Variants in ATP10A observed in about 807,000 individuals in gnomAD.
ATP10A encodes phospholipid-transporting ATPase VA.
In ATP10A, 111 loss-of-function variants were observed where a neutral mutation model predicts 147.8. That is an observed-to-expected ratio of 0.75 (90% confidence interval 0.64 to 0.88). The LOEUF (loss-of-function observed/expected upper bound fraction) is 0.88, where lower values mean the gene tolerates loss of function less well. Among genes scored for constraint, ATP10A ranks in the 40% least tolerant of loss-of-function variants. The pLI is 0.00. For synonymous variants in ATP10A, 875 were observed against 841.6 expected (o/e 1.04, Z -0.69); for missense variants, 1,927 against 1,959.0 (o/e 0.98, Z 0.31).
chr15:25,831,699 A>T (rs1413974707), intron 1 of ATP10A, among the ~76,000 whole-genome samples: 1 of 152,168 alleles, frequency 6.6e-6, no homozygotes, highest in East Asian at 1.9e-4. Context: ...GCAACACCTC[A>T]CTGCCTGACC....
chr15:25,830,231 G>A (rs1258385592), intron 1 of ATP10A, among the ~76,000 whole-genome samples: 1 of 152,078 alleles, frequency 6.6e-6, no homozygotes, highest in Admixed American at 6.5e-5. Flanking sequence ...GGCCTTCCTG[G>A]GTCATCCCCA....
intron 16 of ATP10A, among the ~76,000 whole-genome samples, chr15:25,684,321 C>T (rs1284957785): frequency 6.6e-6 from 1 of 152,212 alleles, no homozygotes; most frequent in Admixed American, 6.5e-5. Flanking sequence ...CATTCTAACA[C>T]TCATGAGCTA....
intron 4 of ATP10A, 47 bp downstream of exon 4, chr15:25,727,113 A>AACAC (rs757663011): frequency 7.3e-7 from 1 of 1,377,690 alleles, no homozygotes; most frequent in Non-Finnish European, 1.0e-6. Flanking sequence ...AGTGCTGGAG[A>AACAC]ACACAGCGCT....
chr15:25,781,178 C>T lies in ATP10A; in HGVS notation c.495G>A (p.Val165=). 3 of 1,614,136 alleles carry T rather than the reference C, an allele frequency of 1.9e-6. No homozygotes were observed. Among genetic ancestry groups the T allele is most frequent in the Non-Finnish European group, 2.5e-6 (3 of 1,180,020 alleles). The change falls in exon 2 of 21, where the codon GTG becomes GTA. Residue 165 remains valine, a synonymous_variant. Coordinates refer to ENST00000555815, the MANE Select transcript of ATP10A (RefSeq NM_024490.4). The part of the protein sequence containing the change: ...YVNRFWKEIH[V]GDFVRLRCNE... Reference sequence around the variant, plus strand: ...TGCAGCGAAGACGCACAAAGTCTCCCACGTGGATTTCTTTCCAGAATCGGT... The same window carrying T: ...TGCAGCGAAGACGCACAAAGTCTCCTACGTGGATTTCTTTCCAGAATCGGT...
chr15:25,778,816 A>G (rs901992316), intron 2 of ATP10A, among the ~76,000 whole-genome samples: 4 of 152,064 alleles, frequency 2.6e-5, no homozygotes, highest in African/African-American at 9.7e-5. Flanking sequence ...AGTGGGCGGG[A>G]GAGGACTGTA....
chr15:25,688,924 A>G (rs1205817310), intron 15 of ATP10A, among the ~76,000 whole-genome samples: 1 of 152,216 alleles, frequency 6.6e-6, no homozygotes, highest in Non-Finnish European at 1.5e-5. Context: ...CTCAAAAATC[A>G]TTTATTAAGA....
rs112896378 is a variant in ATP10A at position 25,770,742 on chromosome 15, A to G, written c.654+10277T>C. ...CCCCAGGGACAGGCAAGAGGCCTAC[A>G]GCATCTCTGCAGGGCTGCCCTGCAG... On this transcript the variant is annotated intron_variant, in intron 2 of 20. Transcript: ENST00000555815. Among the ~76,000 whole-genome samples the G allele has an allele frequency of 2.7e-3, 417 of 152,324 alleles. 3 individuals carry two copies. The highest frequency in any genetic ancestry group is 9.3e-3 in the African/African-American group (388 of 41,588).
intron 1 of ATP10A, 104 bp from the exon 2 acceptor site, chr15:25,781,327 A>G (rs2140708356): frequency 1.0e-6 from 1 of 981,658 alleles, no homozygotes; most frequent in Non-Finnish European, 1.5e-6. Context: ...CTACATTTGC[A>G]TAGGCTGAAA....
At chr15:25,850,834 T>C (rs1893261914) in intron 1 of ATP10A, among the ~76,000 whole-genome samples, 1 of 152,152 alleles carries the variant, frequency 6.6e-6, no homozygotes, top group East Asian at 1.9e-4. Context: ...TAAACTGTTA[T>C]TAGAAGTATA....
intron 1 of ATP10A, among the ~76,000 whole-genome samples, chr15:25,857,862 G>A (rs1212057131): frequency 1.3e-5 from 2 of 152,184 alleles, no homozygotes; most frequent in Non-Finnish European, 2.9e-5. Flanking sequence ...AAGCTATTGA[G>A]TCTTGAAGCC....
chr15:25,858,548 C>T (rs1178914773), intron 1 of ATP10A, among the ~76,000 whole-genome samples: 1 of 152,114 alleles, frequency 6.6e-6, no homozygotes, highest in Non-Finnish European at 1.5e-5. Context: ...CTCAGCTCTT[C>T]CAAAACAACA....
At chr15:25,703,168 G>A (rs1160387329) in intron 12 of ATP10A, among the ~76,000 whole-genome samples, 1 of 152,158 alleles carries the variant, frequency 6.6e-6, no homozygotes, top group Non-Finnish European at 1.5e-5. Context: ...GACCAACCTG[G>A]TCAATGTGGT....
At chr15:25,768,010 C>T (rs1318346463) in intron 2 of ATP10A, among the ~76,000 whole-genome samples, 1 of 152,236 alleles carries the variant, frequency 6.6e-6, no homozygotes, top group Non-Finnish European at 1.5e-5. Context: ...CGCACCAGGG[C>T]TGGCTCCCAA....
chr15:25,818,283 G>A lies in ATP10A; in HGVS notation c.450-37060C>T, dbSNP rs527358221. ...AAACTATGTAAAAGTCAAAATATTT[G>A]CTCTTTATAGGAGATACTCCTAATG... On this transcript the variant is annotated intron_variant, in intron 1 of 20. Transcript: ENST00000555815. Among the ~76,000 whole-genome samples, 242 of 152,074 alleles carry A rather than the reference G, an allele frequency of 1.6e-3. 1 individual carries two copies. Among genetic ancestry groups the A allele is most frequent in the African/African-American group, 5.6e-3 (232 of 41,522 alleles).
chr15:25,736,240 T>C (rs1221833327), intron 2 of ATP10A, 99 bp from the exon 3 acceptor site: 12 of 906,222 alleles, frequency 1.3e-5, no homozygotes, highest in Non-Finnish European at 2.1e-5. Context: ...GCAGGCACAT[T>C]TCACGGGGGA....
chr15:25,833,228 C>T (rs1226983079), intron 1 of ATP10A, among the ~76,000 whole-genome samples: 1 of 152,040 alleles, frequency 6.6e-6, no homozygotes, highest in African/African-American at 2.4e-5. Flanking sequence ...GGCAATCCAC[C>T]CACCTTGACC....
At chr15:25,786,435 A>G (rs1418676253) in intron 1 of ATP10A, among the ~76,000 whole-genome samples, 1 of 152,072 alleles carries the variant, frequency 6.6e-6, no homozygotes, top group Non-Finnish European at 1.5e-5. Flanking sequence ...GCATCACTCA[A>G]GCACATTTCA....
At chr15:25,789,565 A>AGTGTGTGTGTGTGTGT (rs59744412) in intron 1 of ATP10A, among the ~76,000 whole-genome samples, 4,568 of 141,354 alleles carry the variant, frequency 0.032, 174 homozygotes, top group African/African-American at 0.091. Context: ...CCAATAAAGA[A>AGTGTGTGTGTGTGTGT]GTGTGTGTGT....
At chr15:25,779,408 G>A (rs1889784771) in intron 2 of ATP10A, among the ~76,000 whole-genome samples, 1 of 152,236 alleles carries the variant, frequency 6.6e-6, no homozygotes, top group Non-Finnish European at 1.5e-5. Flanking sequence ...CCCTCTGCCT[G>A]CCCCTAACTC....
Sources: gnomAD v4.1 joint callset for allele counts (sites outside exome capture counted in the v4.1 genomes callset) on GRCh38, gnomAD v4.1.1 for gene constraint, MANE v1.5 for transcripts, NCBI Gene and HGNC (gene_info 2026-07-23, HGNC 2026-07-21) for gene names.